Variants in PCSK6 observed in about 807,000 individuals in gnomAD.
PCSK6 encodes proprotein convertase subtilisin/kexin type 6, also known as paired basic amino acid cleaving enzyme 4.
A neutral mutation model predicts 123.3 loss-of-function variants in PCSK6; 85 were observed. The observed-to-expected ratio is 0.69, with a 90% CI of 0.58 to 0.83. The LOEUF is 0.83. PCSK6 is among the 40% of genes least tolerant of loss of function. The pLI, the probability that PCSK6 is intolerant of heterozygous loss-of-function variation, is 0.00. For missense variants in PCSK6, 1,191 were observed against 1,282.3 expected, an observed-to-expected ratio of 0.93 and a Z score of 1.09; for synonymous variants, 508 against 516.0, an observed-to-expected ratio of 0.98 and a Z score of 0.21.
intron 2 of PCSK6, among the ~76,000 whole-genome samples, chr15:101,437,294 C>A (rs1044198502): frequency 6.6e-6 from 1 of 152,244 alleles, no homozygotes; most frequent in African/African-American, 2.4e-5. Context: ...GAGAGCCCAT[C>A]ATGGCGAGAT....
chr15:101,416,456 G>A (rs1000721532), intron 6 of PCSK6, among the ~76,000 whole-genome samples: 2 of 152,218 alleles, frequency 1.3e-5, no homozygotes, highest in African/African-American at 2.4e-5. Flanking sequence ...GCCTGATGAT[G>A]CAGTAGAAAA....
chr15:101,366,082 A>T, intron 13 of PCSK6, 114 bp downstream of exon 13: 1 of 1,137,676 alleles, frequency 8.8e-7, no homozygotes, highest in Non-Finnish European at 1.2e-6. Context: ...TGGGAATTCT[A>T]CCTCTAAAAC....
At chr15:101,309,955 A>G (rs1490880010) in intron 20 of PCSK6, among the ~76,000 whole-genome samples, 1 of 152,184 alleles carries the variant, frequency 6.6e-6, no homozygotes, top group Non-Finnish European at 1.5e-5. Context: ...TGCAGTTGCC[A>G]ACCCAGCAGG....
At chr15:101,332,911 C>T (rs970208196) in intron 13 of PCSK6, among the ~76,000 whole-genome samples, 13 of 152,188 alleles carry the variant, frequency 8.5e-5, no homozygotes, top group African/African-American at 2.9e-4. Flanking sequence ...TATAAACAGT[C>T]CCCAATTTAT....
intron 1 of PCSK6, among the ~76,000 whole-genome samples, chr15:101,453,522 A>G (rs1345131170): frequency 6.6e-6 from 1 of 152,240 alleles, no homozygotes; most frequent in African/African-American, 2.4e-5. Context: ...CGGAGGCTCC[A>G]GGAACCCAGA....
chr15:101,357,225 T>A (rs2041069920), intron 13 of PCSK6, among the ~76,000 whole-genome samples: 1 of 152,224 alleles, frequency 6.6e-6, no homozygotes, highest in Admixed American at 6.5e-5. Flanking sequence ...CGCGTGTGTG[T>A]GTGCTGCACT....
intron 1 of PCSK6, among the ~76,000 whole-genome samples, chr15:101,458,949 T>C (rs1379232433): frequency 6.6e-6 from 1 of 152,206 alleles, no homozygotes; most frequent in Non-Finnish European, 1.5e-5. Flanking sequence ...GCATGCTGGA[T>C]GGGCCTGGAT....
rs1340017538 is a variant in PCSK6 at position 101,324,914 on chromosome 15, G to A, written c.2313C>T (p.Phe771=). The A allele has an allele frequency of 1.9e-6, 3 of 1,613,492 alleles. No individual in the cohort carries two copies. The highest frequency in any genetic ancestry group is 2.5e-6 in the Non-Finnish European group (3 of 1,179,902). ...AGGTGTTCATCTCCTGGTGGTGATA[G>A]AACCCGCGGCGGCAAGACAGGCACT... ...ATQCLSCRRG[F]YHHQEMNTCV... Residue 771 remains phenylalanine (F), a synonymous_variant, in exon 17 of 22, where the codon TTC becomes TTT. Transcript: ENST00000611716.
At chr15:101,355,061 G>C (rs2041001077) in intron 13 of PCSK6, among the ~76,000 whole-genome samples, 1 of 152,206 alleles carries the variant, frequency 6.6e-6, no homozygotes, top group Non-Finnish European at 1.5e-5. Flanking sequence ...TTCTTTCCTA[G>C]ATTGGTGGGA....
At chr15:101,426,464 T>C (rs940906513) in intron 6 of PCSK6, among the ~76,000 whole-genome samples, 1 of 152,214 alleles carries the variant, frequency 6.6e-6, no homozygotes, top group Non-Finnish European at 1.5e-5. Flanking sequence ...AGAACTTATA[T>C]ATCTCAGTTT....
At chr15:101,446,281 G>T (rs978926505) in intron 1 of PCSK6, among the ~76,000 whole-genome samples, 5 of 152,262 alleles carry the variant, frequency 3.3e-5, no homozygotes, top group Non-Finnish European at 5.9e-5. Context: ...ATGTCATTCA[G>T]CATAATGTGC....
chr15:101,393,274 C>G lies in PCSK6; in HGVS notation c.1147G>C (p.Glu383Gln). The G allele has an allele frequency of 6.2e-7, 1 of 1,613,788 alleles. No individual in the cohort carries two copies. The change falls in exon 8 of 22, where the codon GAA (glutamate) becomes CAA (glutamine). Residue 383 changes from glutamate (E) to glutamine (Q), a missense_variant. Physicochemically the swap from Glu to Gln is conservative, Grantham distance 29. Coordinates refer to ENST00000611716, the MANE Select transcript of PCSK6 (RefSeq NM_002570.5). Reference sequence around the variant, plus strand: ...GTGGCCAGGGTGGAGGCACACTCTTCCAGGTACCAGGGCTTGTAGCCATTC... The same window carrying G: ...GTGGCCAGGGTGGAGGCACACTCTTGCAGGTACCAGGGCTTGTAGCCATTC... ...TENGYKPWYL[E>Q]ECASTLATTY...
intron 6 of PCSK6, among the ~76,000 whole-genome samples, chr15:101,413,032 G>C (rs2055757732): frequency 1.3e-5 from 2 of 150,784 alleles, no homozygotes; most frequent in Non-Finnish European, 3.0e-5. Flanking sequence ...AGGAGGAGGA[G>C]GAGGAGGAGG....
At chr15:101,363,692 C>T (rs1186916390) in intron 13 of PCSK6, among the ~76,000 whole-genome samples, 2 of 151,050 alleles carry the variant, frequency 1.3e-5, no homozygotes, top group Admixed American at 6.6e-5. Flanking sequence ...TGCAGTGGTG[C>T]GATCTCGGCT....
intron 11 of PCSK6, among the ~76,000 whole-genome samples, chr15:101,377,282 C>T (rs556126405): frequency 9.2e-5 from 14 of 152,310 alleles, no homozygotes; most frequent in Admixed American, 3.3e-4. Flanking sequence ...GGAGGTGGTG[C>T]GCCCAGCTAG....
In PCSK6 at chr15:101,392,384, T is replaced by A. The variant is rs368696660; in HGVS notation, c.1209+828A>T. Among the ~76,000 whole-genome samples the A allele has an allele frequency of 1.6e-4, 25 of 152,340 alleles. No homozygotes were observed. In the East Asian group the frequency reaches 2.5e-3, roughly 15 times the overall value. ...CAAAGCCGAGAACAGGAAGCCTGTA[T>A]GCTCCCACAGAAAAGTGTAAAAATA... On this transcript the variant is annotated intron_variant, in intron 8 of 21. Transcript: ENST00000611716.
intron 20 of PCSK6, among the ~76,000 whole-genome samples, chr15:101,311,174 G>C (rs552330277): frequency 2.0e-5 from 3 of 151,920 alleles, no homozygotes; most frequent in Non-Finnish European, 4.4e-5. Context: ...TGCATGGTGC[G>C]ATCATAGCTC....
At chr15:101,393,140 A>T in intron 8 of PCSK6, 72 bp downstream of exon 8, 1 of 1,186,450 alleles carries the variant, frequency 8.4e-7, no homozygotes, top group Non-Finnish European at 1.2e-6. Context: ...TTTCTGAGAA[A>T]GGGAGAAGAA....
chr15:101,384,730 A>G (rs901828534), intron 9 of PCSK6, among the ~76,000 whole-genome samples: 1 of 152,248 alleles, frequency 6.6e-6, no homozygotes, highest in Admixed American at 6.5e-5. Context: ...CTGAAAATAC[A>G]AGACACTTAA....
Sources: allele counts gnomAD v4.1 joint callset (sites outside exome capture counted in the v4.1 genomes callset), GRCh38; gene constraint gnomAD v4.1.1; transcripts MANE v1.5; gene names NCBI Gene and HGNC (gene_info 2026-07-23, HGNC 2026-07-21).